The following NEK10 variants were observed in gnomAD, a reference collection of about 807,000 sequenced individuals.
The protein encoded by NEK10 is NIMA related kinase 10.
NEK10 carries 122 observed loss-of-function variants against 159.8 expected under a neutral mutation model. The observed-to-expected ratio is 0.76, with a 90% confidence interval of 0.66 to 0.89. The LOEUF (loss-of-function observed/expected upper bound fraction) is 0.89. Among genes scored for constraint, NEK10 ranks in the 40% least tolerant of loss-of-function variants. NEK10 has a pLI of 0.00. For synonymous variants in NEK10, 466 were observed against 457.1 expected, an observed-to-expected ratio of 1.02 and a Z score of -0.25; for missense variants, 1,342 against 1,323.1, an observed-to-expected ratio of 1.01 and a Z score of -0.22.
chr3:27,362,310 C>A, intron 1 of NEK10, among the ~76,000 whole-genome samples: 1 of 152,144 alleles, frequency 6.6e-6, no homozygotes, highest in East Asian at 1.9e-4. Flanking sequence ...GAGTAAGTGG[C>A]AGCCTTCAGT....
chr3:27,125,388 C>T lies in NEK10; in HGVS notation c.3082-5520G>A, dbSNP rs182810330. On this transcript the variant is annotated intron_variant, in intron 32 of 35. Coordinates refer to ENST00000691995, the MANE Select transcript of NEK10 (RefSeq NM_001394966.1). The stretch of plus-strand genomic sequence containing the variant: ...AACTGAGGTAGAACTCTGAAGGAAA[C>T]TGAGCCAAACATAAATAAAATGAGG... 6.2e-4 allele frequency among the ~76,000 whole-genome samples: 95 copies of T among 152,168 alleles called. 1 individual carries two copies. The highest frequency in any genetic ancestry group is 2.3e-3 in the African/African-American group (94 of 41,530).
intron 5 of NEK10, among the ~76,000 whole-genome samples, chr3:27,337,522 A>G (rs1452141279): frequency 6.6e-6 from 1 of 152,170 alleles, no homozygotes. Context: ...ACAAAGCAGG[A>G]CCCATCACAC....
intron 19 of NEK10, among the ~76,000 whole-genome samples, chr3:27,288,013 A>C (rs1336119234): frequency 6.6e-6 from 1 of 152,204 alleles, no homozygotes; most frequent in Non-Finnish European, 1.5e-5. Context: ...GAACTTAACC[A>C]AGAGAACTAT....
chr3:27,364,311 G>A (rs1300426133), intron 1 of NEK10, among the ~76,000 whole-genome samples: 1 of 150,014 alleles, frequency 6.7e-6, no homozygotes, highest in Non-Finnish European at 1.5e-5. Context: ...CTCCCAAGTG[G>A]CTGGAATTGC....
chr3:27,230,182 C>A (rs925691329), intron 23 of NEK10, among the ~76,000 whole-genome samples: 10 of 152,002 alleles, frequency 6.6e-5, no homozygotes, highest in African/African-American at 2.4e-4. Context: ...TCAGGAGAAA[C>A]CTTACAAGCC....
intron 30 of NEK10, among the ~76,000 whole-genome samples, chr3:27,156,933 T>C (rs896557480): frequency 0.02 from 177 of 8,690 alleles, no homozygotes; most frequent in Non-Finnish European, 0.028. Flanking sequence ...GAAACTGATA[T>C]ATATATATAT....
rs185392675 is a variant in NEK10 at position 27,111,992 on chromosome 3, T to A, written c.3300-672A>T. ...CTTTTTGACCTTCTTTAACTTTCTT[T>A]ACACAGCTTTCTTCCTTCCAACTCA... On this transcript the variant is annotated intron_variant, in intron 35 of 35. Transcript: ENST00000691995. 5.1e-4 allele frequency among the ~76,000 whole-genome samples: 77 copies of A among 152,320 alleles called. 1 individual carries two copies. The highest frequency in any genetic ancestry group is 1.7e-3 in the African/African-American group (72 of 41,552).
chr3:27,160,235 G>A (rs952603923), intron 30 of NEK10, among the ~76,000 whole-genome samples: 1 of 152,074 alleles, frequency 6.6e-6, no homozygotes, highest in African/African-American at 2.4e-5. Context: ...TGGTCCAAAC[G>A]TACTACTTTA....
At position 27,174,743 on chromosome 3, in the gene NEK10, CA is replaced by C; in HGVS notation, c.2595del (p.Glu866LysfsTer37). 6.2e-7 allele frequency: 1 copy of C among 1,613,716 alleles called. No homozygotes were observed. Among genetic ancestry groups the C allele is most frequent in the Admixed American group, 1.7e-5 (1 of 59,952 alleles). ...TTACCATAGGAGGCCTGGAAGCCTT[CA>C]GGGGGCAGGTCTGCGCTTTCTGAAA... ...SELSESADLP[P>X]EGFQASYGKD... is the part of the protein sequence containing the mutation. On this transcript the variant is annotated frameshift_variant, in exon 27 of 36. Coordinates refer to ENST00000691995, the MANE Select transcript of NEK10 (RefSeq NM_001394966.1). LOFTEE classifies it high-confidence loss of function.
At chr3:27,136,264 C>T (rs1943199226) in intron 31 of NEK10, among the ~76,000 whole-genome samples, 1 of 151,852 alleles carries the variant, frequency 6.6e-6, no homozygotes. Context: ...AGGCGCCCAC[C>T]ACCACGCCCG....
chr3:27,298,342 C>T (rs1295423265), intron 13 of NEK10, among the ~76,000 whole-genome samples: 1 of 152,160 alleles, frequency 6.6e-6, no homozygotes, highest in East Asian at 1.9e-4. Context: ...TGCACAAGCC[C>T]TCTCTTTGCC....
chr3:27,171,708 C>T (rs893144450), intron 29 of NEK10, 111 bp downstream of exon 29: 22 of 1,077,626 alleles, frequency 2.0e-5, no homozygotes, highest in Non-Finnish European at 2.9e-5. Flanking sequence ...GCTCTAACTC[C>T]TATTTCCGCA....
At chr3:27,346,636 G>A (rs2047572597) in intron 3 of NEK10, among the ~76,000 whole-genome samples, 1 of 152,148 alleles carries the variant, frequency 6.6e-6, no homozygotes, top group African/African-American at 2.4e-5. Flanking sequence ...GCTGACTAGA[G>A]AGCTCCTGGA....
At chr3:27,232,581 CAA>C (rs1195570580) in intron 23 of NEK10, among the ~76,000 whole-genome samples, 2 of 151,644 alleles carry the variant, frequency 1.3e-5, no homozygotes, top group African/African-American at 4.8e-5. Context: ...TCATATGGAA[CAA>C]AAAAAGAGCC....
At chr3:27,174,915 T>G in intron 26 of NEK10, 82 bp from the exon 27 acceptor site, 1 of 1,139,926 alleles carries the variant, frequency 8.8e-7, no homozygotes, top group Non-Finnish European at 1.2e-6. Context: ...GAACATATAT[T>G]AACTGCTTCA....
intron 1 of NEK10, among the ~76,000 whole-genome samples, chr3:27,364,111 G>C (rs763536703): frequency 3.3e-5 from 5 of 150,796 alleles, no homozygotes; most frequent in Non-Finnish European, 5.9e-5. Context: ...TGGAGAGTGC[G>C]GTCTCACTAT....
rs1027244548 is a variant in NEK10, at chr3:27,230,924, G to A, written c.2090+25372C>T. Among the ~76,000 whole-genome samples, 5 of 151,884 alleles carry A rather than the reference G, an allele frequency of 3.3e-5. No homozygotes were observed. The South Asian group carries it at 1.0e-3, about 31-fold the overall frequency. ...ATAGATAGCAACTCAATGGTAGTGG[G>A]GGACTTCAATACTCCCAATAGACAG... On this transcript the variant is annotated intron_variant, in intron 23 of 35. Coordinates refer to ENST00000691995, the MANE Select transcript of NEK10 (RefSeq NM_001394966.1).
intron 30 of NEK10, among the ~76,000 whole-genome samples, chr3:27,151,049 C>T (rs1944807625): frequency 1.3e-5 from 2 of 152,112 alleles, no homozygotes; most frequent in African/African-American, 4.8e-5. Context: ...TCTGCCCCCA[C>T]CTGATGGTTC....
At chr3:27,297,558 C>A (rs540937689) in intron 13 of NEK10, among the ~76,000 whole-genome samples, 17 of 152,306 alleles carry the variant, frequency 1.1e-4, no homozygotes, top group African/African-American at 3.6e-4. Context: ...CCAAAACATG[C>A]CTGGCACTTA....
Sources: allele counts gnomAD v4.1 joint callset (sites outside exome capture counted in the v4.1 genomes callset), GRCh38; gene constraint gnomAD v4.1.1; transcripts MANE v1.5; gene names NCBI Gene and HGNC (gene_info 2026-07-23, HGNC 2026-07-21).